Variants in OLFM2 observed in about 807,000 individuals in gnomAD.
OLFM2 encodes the protein olfactomedin 2, also known as noelin-2.
Under a neutral mutation model 43.9 loss-of-function variants are expected in OLFM2, and 20 were observed. That is an observed-to-expected ratio of 0.46 (90% CI 0.32 to 0.66). The LOEUF (loss-of-function observed/expected upper bound fraction) is 0.66. Ranked by LOEUF, OLFM2 falls within the 30% of genes least tolerant of loss-of-function variation. OLFM2 has a pLI of 0.04. For synonymous variants in OLFM2, 268 were observed against 278.6 expected (o/e 0.96, Z 0.38); for missense variants, 416 against 643.6 (o/e 0.65, Z 3.83).
chr19:9,860,152 A>G (rs2046356165), intron 2 of OLFM2, among the ~76,000 whole-genome samples: 1 of 55,094 alleles, frequency 1.8e-5, no homozygotes, highest in East Asian at 4.2e-4. Context: ...TCTCAAGGAG[A>G]AAAAAAAAAA....
At chr19:9,935,348 G>A (rs2086508866) in intron 1 of OLFM2, among the ~76,000 whole-genome samples, 1 of 152,084 alleles carries the variant, frequency 6.6e-6, no homozygotes, top group African/African-American at 2.4e-5. Context: ...GGAGGAGAGG[G>A]GCTTTCCAAT....
intron 1 of OLFM2, among the ~76,000 whole-genome samples, chr19:9,879,079 G>C (rs556684972): frequency 6.6e-6 from 1 of 152,150 alleles, no homozygotes; most frequent in African/African-American, 2.4e-5. Flanking sequence ...TGGATCATGG[G>C]GCTAGGTTTC....
intron 1 of OLFM2, among the ~76,000 whole-genome samples, chr19:9,907,516 A>T (rs942674283): frequency 1.3e-5 from 2 of 152,154 alleles, no homozygotes; most frequent in Admixed American, 6.6e-5. Flanking sequence ...GGTCTTGGTC[A>T]TCCTGCCCTC....
intron 1 of OLFM2, among the ~76,000 whole-genome samples, chr19:9,866,419 G>A (rs931199287): frequency 7.9e-5 from 12 of 151,694 alleles, no homozygotes; most frequent in African/African-American, 2.2e-4. Context: ...GAACACAGGC[G>A]TTCTCCAGCA....
chr19:9,868,603 T>C (rs964544369), intron 1 of OLFM2, among the ~76,000 whole-genome samples: 2 of 152,190 alleles, frequency 1.3e-5, no homozygotes, highest in African/African-American at 2.4e-5. Flanking sequence ...TTTAAATTTA[T>C]CTTATTTTCC....
intron 1 of OLFM2, among the ~76,000 whole-genome samples, chr19:9,917,956 G>C (rs955078426): frequency 6.6e-6 from 1 of 152,092 alleles, no homozygotes; most frequent in African/African-American, 2.4e-5. Flanking sequence ...TCTGCTCACT[G>C]CAACCTCCAT....
At chr19:9,896,481 TG>T (rs1389293131) in intron 1 of OLFM2, among the ~76,000 whole-genome samples, 1 of 152,196 alleles carries the variant, frequency 6.6e-6, no homozygotes, top group Non-Finnish European at 1.5e-5. Flanking sequence ...TACTGCAGCC[TG>T]GAACTCCTGG....
At chr19:9,901,381 G>T (rs1400605834) in intron 1 of OLFM2, among the ~76,000 whole-genome samples, 1 of 152,012 alleles carries the variant, frequency 6.6e-6, no homozygotes, top group Admixed American at 6.6e-5. Context: ...AGCTGAGATC[G>T]CGTCACTGCA....
At chr19:9,867,106 C>T (rs568731435) in intron 1 of OLFM2, among the ~76,000 whole-genome samples, 2 of 152,148 alleles carry the variant, frequency 1.3e-5, no homozygotes, top group Admixed American at 6.6e-5. Context: ...CATGGTGGCT[C>T]ACGCCTGTAA....
In OLFM2 at chr19:9,864,736, A is replaced by C. The variant is rs1017722264; in HGVS notation, c.64-3942T>G. ...TCCTGGGTTTAAGCCATCCCCTCCCACATCTGCCTCCTGAGTAGCTGGGCC... is the reference window on the plus strand; with the variant it reads ...TCCTGGGTTTAAGCCATCCCCTCCCCCATCTGCCTCCTGAGTAGCTGGGCC... On this transcript the variant is annotated intron_variant, in intron 1 of 5. Transcript: ENST00000264833. 7.6e-5 allele frequency among the ~76,000 whole-genome samples: 11 copies of C among 145,484 alleles called. No homozygotes were observed. The South Asian group carries it at 1.5e-3, about 20-fold the overall frequency.
intron 2 of OLFM2, among the ~76,000 whole-genome samples, chr19:9,859,103 T>C (rs1482656042): frequency 6.6e-6 from 1 of 152,246 alleles, no homozygotes; most frequent in Non-Finnish European, 1.5e-5. Flanking sequence ...TGGATGCTTG[T>C]TGAAATACAG....
intron 1 of OLFM2, among the ~76,000 whole-genome samples, chr19:9,923,898 G>A (rs1183831902): frequency 1.3e-5 from 2 of 151,102 alleles, no homozygotes; most frequent in Non-Finnish European, 2.9e-5. Context: ...TCAGGAGTTC[G>A]AGACCAACCT....
At chr19:9,884,388 C>T (rs1250602576) in intron 1 of OLFM2, among the ~76,000 whole-genome samples, 1 of 151,722 alleles carries the variant, frequency 6.6e-6, no homozygotes, top group African/African-American at 2.4e-5. Context: ...CCAGCCTGGC[C>T]AACATGGTGA....
chr19:9,900,625 T>TA (rs1173313786), intron 1 of OLFM2, among the ~76,000 whole-genome samples: 1 of 151,576 alleles, frequency 6.6e-6, no homozygotes, highest in Admixed American at 6.6e-5. Context: ...AAATCCCAGC[T>TA]AAAAAAGGCT....
At chr19:9,896,800 A>G (rs1377657915) in intron 1 of OLFM2, among the ~76,000 whole-genome samples, 1 of 152,192 alleles carries the variant, frequency 6.6e-6, no homozygotes, top group African/African-American at 2.4e-5. Flanking sequence ...TTGCAACTAC[A>G]TAATCATCAC....
rs79341807 is a variant in OLFM2, at chr19:9,856,816, C to T, written c.678G>A (p.Ala226=). 2,880 of 1,613,104 alleles carry T rather than the reference C, an allele frequency of 1.8e-3. 53 individuals carry two copies. The East Asian group carries it at 0.044, about 25-fold the overall frequency. The change falls in exon 5 of 6, where the codon GCG becomes GCA. Residue 226 remains alanine, a synonymous_variant. Coordinates refer to ENST00000264833, the MANE Select transcript of OLFM2 (RefSeq NM_058164.4). This position sits in a 1 kb window ranked among gnomAD's most constrained non-coding sequence, Gnocchi z 4.0. ...GGGCGCAGTCACTCACCCGGCTATC[C>T]GCACTGGGGGCCATCGTGTCAGTCA... The part of the protein sequence containing the change: ...SWMTDTMAPS[A]DSRVWYMDGY...
At chr19:9,862,624 T>A (rs1248181096) in intron 1 of OLFM2, among the ~76,000 whole-genome samples, 3 of 151,196 alleles carry the variant, frequency 2.0e-5, no homozygotes, top group African/African-American at 7.3e-5. Context: ...GAGGCTGCAA[T>A]GAGCTATGGC....
intron 1 of OLFM2, among the ~76,000 whole-genome samples, chr19:9,907,671 C>T (rs1311347435): frequency 2.0e-5 from 3 of 151,914 alleles, no homozygotes; most frequent in African/African-American, 4.8e-5. Flanking sequence ...GACAGACAGA[C>T]ACAGAGAGAC....
intron 1 of OLFM2, among the ~76,000 whole-genome samples, chr19:9,878,280 A>C (rs1336471389): frequency 6.6e-6 from 1 of 151,866 alleles, no homozygotes; most frequent in Non-Finnish European, 1.5e-5. Flanking sequence ...ATCGGTGCTG[A>C]CTGGGAACAC....
Sources: gnomAD v4.1 joint callset for allele counts (sites outside exome capture counted in the v4.1 genomes callset) on GRCh38, gnomAD v4.1.1 for gene constraint, Gnocchi (gnomAD v3.1) non-coding constraint, MANE v1.5 for transcripts, NCBI Gene and HGNC (gene_info 2026-07-23, HGNC 2026-07-21) for gene names.